Variants in ZNG1B observed in about 807,000 individuals in gnomAD.
ZNG1B encodes the protein zinc-regulated GTPase metalloprotein activator 1B.
chr2:113,440,595 T>C, the ZNG1B span, among the ~76,000 whole-genome samples: 1 of 152,196 alleles, frequency 6.6e-6, no homozygotes, highest in African/African-American at 2.4e-5. Flanking sequence ...AATACCCTAA[T>C]ACTCTGTAAA....
chr2:113,471,261 G>T, the ZNG1B span, among the ~76,000 whole-genome samples: 1 of 152,020 alleles, frequency 6.6e-6, no homozygotes, highest in Non-Finnish European at 1.5e-5. Context: ...CTGGTTGTTT[G>T]GAAATCATAT....
the ZNG1B span, chr2:113,482,230 T>A: frequency 6.8e-7 from 1 of 1,466,016 alleles, no homozygotes. Context: ...CTTGATCAGG[T>A]AAAGAAAAAA....
chr2:113,450,697 G>T, the ZNG1B span, among the ~76,000 whole-genome samples: 1 of 145,102 alleles, frequency 6.9e-6, no homozygotes, highest in African/African-American at 2.6e-5. Flanking sequence ...TTCCCTGTAT[G>T]TGTGTGTTTC....
chr2:113,474,195 T>G, the ZNG1B span, among the ~76,000 whole-genome samples: 2 of 152,204 alleles, frequency 1.3e-5, no homozygotes, highest in African/African-American at 4.8e-5. Flanking sequence ...GAGATTCAAC[T>G]TCTTCCTTGT....
chr2:113,444,210 T>C, the ZNG1B span: 1 of 390,522 alleles, frequency 2.6e-6, no homozygotes. Flanking sequence ...AAAAAATAAA[T>C]GACTATCAAA....
chr2:113,476,445 A>G, the ZNG1B span, among the ~76,000 whole-genome samples: 4 of 149,890 alleles, frequency 2.7e-5, no homozygotes, highest in Admixed American at 1.3e-4. Context: ...ATGTCCTCCC[A>G]TAGCTCGGAG....
At chr2:113,466,275 C>T in the ZNG1B span, 1 of 874,270 alleles carries the variant, frequency 1.1e-6, no homozygotes. Context: ...AATACTTAAA[C>T]AAGCTTTTAA....
the ZNG1B span, chr2:113,454,746 A>C: frequency 6.3e-7 from 1 of 1,578,730 alleles, no homozygotes; most frequent in East Asian, 2.3e-5. Context: ...TGTAGGTATC[A>C]TAACTATAGT....
At chr2:113,442,435 T>C in the ZNG1B span, among the ~76,000 whole-genome samples, 1 of 152,206 alleles carries the variant, frequency 6.6e-6, no homozygotes, top group Non-Finnish European at 1.5e-5. Flanking sequence ...TTGTAAAAAG[T>C]AAAAGAGCTA....
chr2:113,439,255 G>A, the ZNG1B span: 1 of 1,477,198 alleles, frequency 6.8e-7, no homozygotes, highest in African/African-American at 1.4e-5. Flanking sequence ...TGTTCTTTTG[G>A]CTTCTATTAC....
At chr2:113,483,797 G>A in the ZNG1B span, among the ~76,000 whole-genome samples, 1 of 152,102 alleles carries the variant, frequency 6.6e-6, no homozygotes, top group Admixed American at 6.5e-5. Flanking sequence ...ATGGCATAAT[G>A]AGCCTGTATG....
the ZNG1B span, chr2:113,469,226 C>G: frequency 6.6e-6 from 1 of 152,054 alleles, no homozygotes; most frequent in African/African-American, 2.4e-5. Context: ...TCACTGAAAC[C>G]TCTGCCTCCT....
At chr2:113,461,230 T>A in the ZNG1B span, among the ~76,000 whole-genome samples, 35,922 of 148,582 alleles carry the variant, frequency 0.24, 4,353 homozygotes, top group East Asian at 0.52. Flanking sequence ...CATTTTTTTT[T>A]AAATTTTTTT....
At chr2:113,488,516 G>C in the ZNG1B span, among the ~76,000 whole-genome samples, 1 of 150,566 alleles carries the variant, frequency 6.6e-6, no homozygotes, top group Non-Finnish European at 1.5e-5. Flanking sequence ...AAACTAAGAA[G>C]AAATCCCTGA....
chr2:113,492,769 G>A, the ZNG1B span, among the ~76,000 whole-genome samples: 1 of 72,242 alleles, frequency 1.4e-5, no homozygotes, highest in Non-Finnish European at 2.7e-5. Flanking sequence ...GTAATGGTGA[G>A]TAAAATTGCT....
chr2:113,475,379 G>C, the ZNG1B span, among the ~76,000 whole-genome samples: 1 of 151,954 alleles, frequency 6.6e-6, no homozygotes, highest in Non-Finnish European at 1.5e-5. Context: ...GAGCCTATGT[G>C]TGTCTCTGCA....
the ZNG1B span, among the ~76,000 whole-genome samples, chr2:113,456,389 C>T: frequency 6.6e-6 from 1 of 151,110 alleles, no homozygotes; most frequent in Non-Finnish European, 1.5e-5. Context: ...TTTGAATCTA[C>T]CTCTTCCATA....
At chr2:113,462,809 T>A in the ZNG1B span, 1 of 452,490 alleles carries the variant, frequency 2.2e-6, no homozygotes, top group African/African-American at 2.0e-5. Flanking sequence ...CCAGGATGGT[T>A]AATTCACTTT....
the ZNG1B span, chr2:113,482,100 T>C: frequency 1.4e-6 from 1 of 729,972 alleles, no homozygotes; most frequent in Non-Finnish European, 2.2e-6. Flanking sequence ...CACTTCATTA[T>C]CCTTGTGTCA....
Sources: gnomAD v4.1 joint callset for allele counts (sites outside exome capture counted in the v4.1 genomes callset) on GRCh38, gnomAD v4.1.1 for gene constraint, MANE v1.5 for transcripts, NCBI Gene and HGNC (gene_info 2026-07-23, HGNC 2026-07-21) for gene names.